Variants in MICAL1 observed in about 807,000 individuals in gnomAD.
The protein encoded by MICAL1 is microtubule associated monooxygenase, calponin and LIM domain containing 1.
MICAL1 carries 95 observed loss-of-function variants against 131.8 expected under a neutral mutation model. The observed-to-expected ratio is 0.72, with a 90% confidence interval of 0.61 to 0.86. The LOEUF (loss-of-function observed/expected upper bound fraction) is 0.86, where lower values mean the gene tolerates loss of function less well. Ranked by LOEUF, MICAL1 falls within the 40% of genes least tolerant of loss-of-function variation. The probability of loss-of-function intolerance (pLI) is 0.00; values close to 1 mark genes in which losing one functional copy is unlikely to be tolerated. For synonymous variants in MICAL1, 546 were observed against 554.2 expected, an observed-to-expected ratio of 0.99 and a Z score of 0.21; for missense variants, 1,292 against 1,380.6, an observed-to-expected ratio of 0.94 and a Z score of 1.02.
In MICAL1 at chr6:109,465,658, C is replaced by T. The variant is rs772392427; in HGVS notation, c.14+6G>A. On this transcript the variant is annotated splice_donor_region_variant and intron_variant, in intron 1 of 24. Transcript: ENST00000630715. Reference sequence around the variant, plus strand: ...TAATATTGAAATGCTCAATACAAATCAGTACCTTAGACAAGACATACACAC... The same window carrying T: ...TAATATTGAAATGCTCAATACAAATTAGTACCTTAGACAAGACATACACAC... 40 of 1,569,192 alleles carry T rather than the reference C, an allele frequency of 2.5e-5. No homozygotes were observed. Among genetic ancestry groups the T allele is most frequent in the Non-Finnish European group, 3.4e-5 (40 of 1,163,878 alleles).
Position 109,452,500 on chromosome 6 carries a change from T to C in MICAL1, c.676+11A>G. On this transcript the variant is annotated intron_variant, in intron 5 of 24. Coordinates refer to ENST00000358807, the MANE Select transcript of MICAL1 (RefSeq NM_022765.4). ...GAGATGCTGGCTTCTTTGAGGGAAGTGATCACTCACCTTCAGGGACGAATT... is the reference window on the plus strand; with the variant it reads ...GAGATGCTGGCTTCTTTGAGGGAAGCGATCACTCACCTTCAGGGACGAATT... The C allele has an allele frequency of 5.6e-6, 9 of 1,613,316 alleles. No homozygotes were observed. Among genetic ancestry groups the C allele is most frequent in the Non-Finnish European group, 7.6e-6 (9 of 1,179,502 alleles).
chr6:109,465,327 T>A lies in MICAL1; in HGVS notation c.14+337A>T, dbSNP rs561019326. 9.2e-6 allele frequency: 3 copies of A among 324,464 alleles called. No homozygotes were observed. In the East Asian group the frequency reaches 1.9e-4, roughly 21 times the overall value. The allele number at this position is 324,464 out of a possible 1,614,324, so 20.1% of individuals were successfully genotyped here. On this transcript the variant is annotated intron_variant, in intron 1 of 24. Transcript: ENST00000630715. ...TGAGGGTTACTTTGTCTTAGGGGAC[T>A]GGAAATTATTAAAAGGGCAAATTCC...
chr6:109,450,489 G>A lies in MICAL1; in HGVS notation c.1002C>T (p.Thr334=). Residue 334 remains threonine, a synonymous_variant, in exon 8 of 25, where the codon ACC becomes ACT. Transcript: ENST00000358807. ...GGGTGGCAAAGTCAGCAGCTGCCCG[G>A]GTAAAGCGCTGCAGAGCCTCGGGCA... ...NVVPEALQRF[T]RAAADFATHG... is the part of the protein sequence containing the mutation. 1.2e-6 allele frequency: 2 copies of A among 1,613,268 alleles called. No individual in the cohort carries two copies. Among genetic ancestry groups the A allele is most frequent in the Non-Finnish European group, 1.7e-6 (2 of 1,179,968 alleles).
intron 1 of MICAL1, chr6:109,462,950 A>T (rs1304901455): frequency 6.6e-6 from 1 of 152,244 alleles, no homozygotes; most frequent in African/African-American, 2.4e-5. Flanking sequence ...CATGAGAAGT[A>T]CTTTCATGTT....
At chr6:109,458,047 C>T (rs1484521887), upstream of MICAL1, among the ~76,000 whole-genome samples, 1 of 151,960 alleles carries the variant, frequency 6.6e-6, no homozygotes, top group East Asian at 1.9e-4. Flanking sequence ...ACTCCAAAAT[C>T]CTATCATTCA....
rs371866447 is a variant in MICAL1, at chr6:109,453,339, C to T, written c.495G>A (p.Leu165=). 6 of 1,613,972 alleles carry T rather than the reference C, an allele frequency of 3.7e-6. No individual in the cohort carries two copies. Among genetic ancestry groups the T allele is most frequent in the Middle Eastern group, 1.7e-4 (1 of 6,060 alleles). The change falls in exon 4 of 25, where the codon CTG becomes CTA. Residue 165 remains leucine, a synonymous_variant. Transcript: ENST00000358807. ...CCACCCCCAGCAGCAATGCTACCTT[C>T]AGCAGAAGCAGCTGGAGCTGCCTGA... ...ISIRQLQLLL[L]KVALLLGVEI...
At chr6:109,460,456 G>C (rs1435183835), upstream of MICAL1, among the ~76,000 whole-genome samples, 4 of 147,124 alleles carry the variant, frequency 2.7e-5, no homozygotes, top group African/African-American at 1.0e-4. Flanking sequence ...AAATGTAATC[G>C]AATGAGCTTT....
At position 109,450,022 on chromosome 6, in the gene MICAL1, T is replaced by G. The variant is rs1325702028; in HGVS notation, c.1255A>C (p.Met419Leu). 2.5e-6 allele frequency: 4 copies of G among 1,613,888 alleles called. No homozygotes were observed. In the Admixed American group the frequency reaches 6.7e-5, roughly 27 times the overall value. Residue 419 changes from methionine to leucine, a missense_variant, in exon 9 of 25, where the codon ATG becomes CTG. Transcript: ENST00000358807. ...GFLAAFDAAWMVKRWAEGAES... is the reference protein window; with the variant it reads ...GFLAAFDAAWLVKRWAEGAES... ...GCGCCCTCTGCCCACCGCTTCACCA[T>G]CCAGGCTGCATCAAAGGCTGCCAGG...
chr6:109,448,331 G>A lies in MICAL1; in HGVS notation c.1727C>T (p.Ala576Val), dbSNP rs760548962. The A allele has an allele frequency of 1.2e-6, 2 of 1,613,842 alleles. No individual in the cohort carries two copies. The highest frequency in any genetic ancestry group is 4.5e-5 in the East Asian group (2 of 44,882). Reference sequence around the variant, plus strand: ...CGGTGTGATGCCCAGCTCATTCTCTGCCACCTTTAGTGCCCAAGCAGTTGC... The same window carrying A: ...CGGTGTGATGCCCAGCTCATTCTCTACCACCTTTAGTGCCCAAGCAGTTGC... ...LEATAWALKV[A>V]ENELGITPVV... Residue 576 changes from alanine to valine, a missense_variant, in exon 13 of 25, where the codon GCA becomes GTA. Transcript: ENST00000358807.
In MICAL1 at chr6:109,449,789, G is replaced by T. The variant is rs1378769659; in HGVS notation, c.1308-6C>A. The stretch of plus-strand genomic sequence containing the variant: ...GAAGCTGGTACAGGCTCTCACTGAG[G>T]GGGTGAGGGTAAGGGGCAGGGGCAT... On this transcript the variant is annotated splice_polypyrimidine_tract_variant and splice_region_variant and intron_variant, in intron 9 of 24. Coordinates refer to ENST00000358807, the MANE Select transcript of MICAL1 (RefSeq NM_022765.4). 1 of 1,607,260 alleles carries T rather than the reference G, an allele frequency of 6.2e-7. No homozygotes were observed. The highest frequency in any genetic ancestry group is 8.5e-7 in the Non-Finnish European group (1 of 1,176,858).
rs763500872 is a variant in MICAL1, at chr6:109,447,085, G to A, written c.2215C>T (p.His739Tyr). The change falls in exon 17 of 25, where the codon CAC (histidine) becomes TAC (tyrosine). Residue 739 changes from histidine to tyrosine, a missense_variant. Coordinates refer to ENST00000358807, the MANE Select transcript of MICAL1 (RefSeq NM_022765.4). ...CAGGCCCACTCACCATCTCCTGGGT[G>A]CTGCTCGTAGCCACCTGGCCACAGT... ...ATLWPGGYEQ[H>Y]PGDGHFYCLQ... 1.2e-6 allele frequency: 2 copies of A among 1,614,038 alleles called. No individual in the cohort carries two copies. The highest frequency in any genetic ancestry group is 1.7e-6 in the Non-Finnish European group (2 of 1,180,000).
chr6:109,445,923 G>C (rs2115325042), intron 19 of MICAL1, 61 bp from the exon 20 acceptor site: 1 of 1,558,844 alleles, frequency 6.4e-7, no homozygotes, highest in Middle Eastern at 1.9e-4. Context: ...AGGCAACAAA[G>C]AGCATGGTGG....
At chr6:109,460,970 T>A (rs920726490) in intron 1 of MICAL1, among the ~76,000 whole-genome samples, 15 of 152,206 alleles carry the variant, frequency 9.9e-5, no homozygotes, top group South Asian at 2.1e-4. Flanking sequence ...AGCTTTTTTT[T>A]AAATTATACT....
chr6:109,452,743 T>C (rs1546980), intron 4 of MICAL1, 128 bp from the exon 5 acceptor site: 224,225 of 668,194 alleles, frequency 0.34, 38,167 homozygotes, highest in East Asian at 0.4. Context: ...TGATATATTA[T>C]CTATCAGATT....
intron 12 of MICAL1, 21 bp downstream of exon 12, chr6:109,448,711 G>A: frequency 2.5e-6 from 4 of 1,613,216 alleles, no homozygotes; most frequent in Non-Finnish European, 3.4e-6. Context: ...TGAGAGAGAG[G>A]TGGGTCTGCC....
chr6:109,458,646 C>A (rs985840276), upstream of MICAL1, among the ~76,000 whole-genome samples: 6 of 152,122 alleles, frequency 3.9e-5, no homozygotes, highest in African/African-American at 1.4e-4. Flanking sequence ...AACGGTAAAA[C>A]CTAGCAGTAG....
In MICAL1 at chr6:109,454,192, G is replaced by A. The variant is rs375065423; in HGVS notation, c.5C>T (p.Ala2Val). ...CGCTGGGTTGGTGGAGGTAGGTGAA[G>A]CCATGGAGGCCTCCTGGGGAGGGCA... M[A>V]SPTSTNPAHA... The change falls in exon 2 of 25, where the codon GCT becomes GTT. Residue 2 changes from alanine (A) to valine (V), a missense_variant. Ala to Val is a moderately conservative substitution (Grantham distance 64). Coordinates refer to ENST00000358807, the MANE Select transcript of MICAL1 (RefSeq NM_022765.4). 11 of 1,596,286 alleles carry A rather than the reference G, an allele frequency of 6.9e-6. No homozygotes were observed. In the African/African-American group the frequency reaches 1.5e-4, roughly 21 times the overall value.
chr6:109,448,811 G>GGACTCCCGGGTACCCAGCTGTCT lies in MICAL1; in HGVS notation c.1562_1584dup (p.His529ArgfsTer21), dbSNP rs1775373076. On this transcript the variant is annotated frameshift_variant, in exon 12 of 25. Coordinates refer to ENST00000358807, the MANE Select transcript of MICAL1 (RefSeq NM_022765.4). LOFTEE classifies it high-confidence loss of function. ...CAGGAGGAAGACAAATCGGAGACGT[G>GGACTCCCGGGTACCCAGCTGTCT]GACTCCCGGGTACCCAGCTGTCTGC... 1.2e-6 allele frequency: 2 copies of GGACTCCCGGGTACCCAGCTGTCT among 1,614,046 alleles called. No individual in the cohort carries two copies. The highest frequency in any genetic ancestry group is 8.5e-7 in the Non-Finnish European group (1 of 1,179,996).
intron 18 of MICAL1, 119 bp from the exon 19 acceptor site, chr6:109,446,531 G>C (rs1310116068): frequency 7.1e-7 from 1 of 1,415,374 alleles, no homozygotes; most frequent in Non-Finnish European, 9.8e-7. Context: ...CTGTGTTTTA[G>C]ATACTTGAGA....
Sources: allele counts gnomAD v4.1 joint callset (sites outside exome capture counted in the v4.1 genomes callset), GRCh38; gene constraint gnomAD v4.1.1; transcripts MANE v1.5; gene names NCBI Gene and HGNC (gene_info 2026-07-23, HGNC 2026-07-21).